The following RETSAT variants were observed in gnomAD, a reference collection of about 807,000 sequenced individuals.
RETSAT encodes the protein all-trans-retinol 13,14-reductase.
Under a neutral mutation model 61.6 loss-of-function variants are expected in RETSAT, and 35 were observed. The ratio of observed to expected loss-of-function variants is 0.57; its 90% CI spans 0.43 to 0.75. RETSAT has a LOEUF of 0.75. Among genes scored for constraint, RETSAT ranks in the 30% least tolerant of loss-of-function variants. RETSAT has a pLI of 0.00. For missense variants in RETSAT, 670 were observed against 759.5 expected (o/e 0.88, Z 1.38); for synonymous variants, 277 against 310.4 (o/e 0.89, Z 1.13).
chr2:85,352,674 A>G (rs1683320274), intron 1 of RETSAT, among the ~76,000 whole-genome samples: 1 of 152,054 alleles, frequency 6.6e-6, no homozygotes, highest in Non-Finnish European at 1.5e-5. Flanking sequence ...GAGCCAACAC[A>G]CCAGCCCACA....
Position 85,342,138 on chromosome 2 carries a change from C to T in RETSAT, c.*1104G>A. The T allele has an allele frequency of 3.7e-6, 1 of 273,314 alleles. No individual in the cohort carries two copies. Among genetic ancestry groups the T allele is most frequent in the Non-Finnish European group, 6.9e-6 (1 of 144,922 alleles). 16.9% of individuals were successfully genotyped at this position (273,314 alleles called of 1,614,324 possible). On this transcript the variant is annotated 3_prime_UTR_variant, in exon 11 of 11. Transcript: ENST00000295802. Reference sequence around the variant, plus strand: ...AATAAATTTATTAATGTTACATTAACACGAACTACAAAGAGACCTTTCGTA... The same window carrying T: ...AATAAATTTATTAATGTTACATTAATACGAACTACAAAGAGACCTTTCGTA...
chr2:85,354,303 T>A, intron 1 of RETSAT, 33 bp downstream of exon 1: 3 of 1,612,280 alleles, frequency 1.9e-6, no homozygotes, highest in Non-Finnish European at 2.5e-6. Context: ...AAGCCTCGAG[T>A]GCAGCCCCGG....
In RETSAT at chr2:85,350,031, A is replaced by G; in HGVS notation, c.799+9T>C. 6.2e-7 allele frequency: 1 copy of G among 1,612,272 alleles called. No individual in the cohort carries two copies. The highest frequency in any genetic ancestry group is 8.5e-7 in the Non-Finnish European group (1 of 1,179,208). ...CAGAAGCTGCCCAGAGCCCAGGCCC[A>G]GTACCCACCGTAAGTGGGGAAGATG... On this transcript the variant is annotated intron_variant, in intron 4 of 10. Coordinates refer to ENST00000295802, the MANE Select transcript of RETSAT (RefSeq NM_017750.4).
In RETSAT at chr2:85,351,766, C is replaced by T. The variant is rs551883060; in HGVS notation, c.269G>A (p.Gly90Asp). 5.6e-6 allele frequency: 9 copies of T among 1,614,042 alleles called. No individual in the cohort carries two copies. The highest frequency in any genetic ancestry group is 7.6e-6 in the Non-Finnish European group (9 of 1,180,046). ...TTGTTCCAGCACCAGGACTCGCTTGCCAGCTTTAGCTAGAATTGCAGCTGC... is the reference window on the plus strand; with the variant it reads ...TTGTTCCAGCACCAGGACTCGCTTGTCAGCTTTAGCTAGAATTGCAGCTGC... The part of the protein sequence containing the change: ...LAAAAILAKA[G>D]KRVLVLEQHT... The change falls in exon 2 of 11, where the codon GGC becomes GAC. Residue 90 changes from glycine to aspartate, a missense_variant. Physicochemically the swap from Gly to Asp is moderately conservative, Grantham distance 94 (BLOSUM62 -1). Transcript: ENST00000295802.
chr2:85,348,736 T>C (rs1262210569), intron 5 of RETSAT, among the ~76,000 whole-genome samples: 1 of 151,752 alleles, frequency 6.6e-6, no homozygotes, highest in Non-Finnish European at 1.5e-5. Flanking sequence ...ATGCAATCCT[T>C]TATTTTTCTT....
Position 85,343,754 on chromosome 2 carries a change from A to G in RETSAT, c.1578T>C (p.Tyr526=), listed in dbSNP as rs1376551982. The part of the protein sequence containing the change: ...TAGSPLTNQF[Y]LAAPRGACYG... ...AGCAGGCACCTCGGGGAGCAGCCAGATAGAACTGGTTGGTGAGTGGGGATC... is the reference window on the plus strand; with the variant it reads ...AGCAGGCACCTCGGGGAGCAGCCAGGTAGAACTGGTTGGTGAGTGGGGATC... The change falls in exon 10 of 11, where the codon TAT becomes TAC. Residue 526 remains tyrosine, a synonymous_variant. Coordinates refer to ENST00000295802, the MANE Select transcript of RETSAT (RefSeq NM_017750.4). 1 of 1,609,758 alleles carries G rather than the reference A, an allele frequency of 6.2e-7. No homozygotes were observed. Among genetic ancestry groups the G allele is most frequent in the Non-Finnish European group, 8.5e-7 (1 of 1,179,852 alleles).
intron 5 of RETSAT, among the ~76,000 whole-genome samples, chr2:85,347,568 A>G (rs932704725): frequency 6.6e-6 from 1 of 151,772 alleles, no homozygotes; most frequent in African/African-American, 2.4e-5. Flanking sequence ...GGGTTTCACT[A>G]TGTTGGCCAG....
intron 1 of RETSAT, among the ~76,000 whole-genome samples, chr2:85,352,464 A>G (rs1313149113): frequency 6.6e-6 from 1 of 151,674 alleles, no homozygotes; most frequent in Non-Finnish European, 1.5e-5. Flanking sequence ...GTTAGCCAGG[A>G]TGGTCTCGAT....
In RETSAT at chr2:85,354,402, C is replaced by T. The variant is rs1424706402; in HGVS notation, c.106G>A (p.Asp36Asn). 3 of 1,614,232 alleles carry T rather than the reference C, an allele frequency of 1.9e-6. No homozygotes were observed. The highest frequency in any genetic ancestry group is 4.5e-5 in the East Asian group (2 of 44,888). Reference protein sequence around the residue: ...SGSSPNPFSEDVKRPPAPLVT... With the variant: ...SGSSPNPFSENVKRPPAPLVT... ...AGGGGCGCTGGGGGCCGTTTGACAT[C>T]TTCGGAGAAAGGATTCGGGGAGCTG... Residue 36 changes from aspartate to asparagine, a missense_variant, in exon 1 of 11, where the codon GAT (aspartate) becomes AAT (asparagine). Physicochemically the swap from Asp to Asn is conservative, Grantham distance 23. Coordinates refer to ENST00000295802, the MANE Select transcript of RETSAT (RefSeq NM_017750.4).
chr2:85,343,946 G>A, intron 9 of RETSAT, 53 bp downstream of exon 9: 1 of 1,603,078 alleles, frequency 6.2e-7, no homozygotes, highest in Non-Finnish European at 8.5e-7. Context: ...TCAAGGAAAG[G>A]GCAGAAACAG....
intron 7 of RETSAT, 51 bp downstream of exon 7, chr2:85,344,543 G>A (rs1306354107): frequency 1.2e-6 from 2 of 1,601,974 alleles, no homozygotes; most frequent in Non-Finnish European, 1.7e-6. Flanking sequence ...CATTCTCTGA[G>A]TCAAGCAGGG....
intron 4 of RETSAT, 44 bp downstream of exon 4, chr2:85,349,996 G>T: frequency 6.4e-7 from 1 of 1,563,732 alleles, no homozygotes; most frequent in Non-Finnish European, 8.8e-7. Context: ...GAGGGCAGCC[G>T]TTCCTCCTCC....
At position 85,343,697 on chromosome 2, in the gene RETSAT, G is replaced by C. The variant is rs368386413; in HGVS notation, c.1635C>G (p.His545Gln). 1.9e-6 allele frequency: 3 copies of C among 1,614,154 alleles called. No homozygotes were observed. Among genetic ancestry groups the C allele is most frequent in the Non-Finnish European group, 2.5e-6 (3 of 1,179,982 alleles). Residue 545 changes from histidine to glutamine, a missense_variant, in exon 10 of 11, where the codon CAC becomes CAG. His to Gln is a conservative substitution (Grantham distance 24). Transcript: ENST00000295802. ...YGADHDLGRL[H>Q]PCVMASLRAQ... ...CCCTCAAGGAGGCCATCACACAAGG[G>C]TGCAGGCGGCCCAGGTCATGGTCAG... is the stretch of plus-strand genomic sequence containing the variant.
intron 10 of RETSAT, 116 bp from the exon 11 acceptor site, chr2:85,343,497 A>G: frequency 1.3e-6 from 2 of 1,521,580 alleles, no homozygotes; most frequent in Non-Finnish European, 1.8e-6. Context: ...CCAATCAGAC[A>G]GGGGCCACAG....
At chr2:85,349,333 GC>G in intron 5 of RETSAT, 50 bp downstream of exon 5, 1 of 1,580,192 alleles carries the variant, frequency 6.3e-7, no homozygotes, top group South Asian at 1.1e-5. Flanking sequence ...CCCAGGTCTC[GC>G]CCACACCAAC....
intron 5 of RETSAT, among the ~76,000 whole-genome samples, chr2:85,346,906 T>TCACTAAACTCC (rs1195690957): frequency 2.0e-5 from 3 of 152,184 alleles, no homozygotes; most frequent in African/African-American, 7.2e-5. Flanking sequence ...CTGGTCACTC[T>TCACTAAACTCC]CACTAAACTC....
intron 4 of RETSAT, 91 bp from the exon 5 acceptor site, chr2:85,349,672 C>T (rs955235557): frequency 3.6e-6 from 4 of 1,097,228 alleles, no homozygotes; most frequent in Non-Finnish European, 5.5e-6. Context: ...TAACACACAG[C>T]CCAGTCTATC....
intron 5 of RETSAT, among the ~76,000 whole-genome samples, chr2:85,347,998 C>T (rs550381383): frequency 1.3e-5 from 2 of 152,312 alleles, no homozygotes; most frequent in Non-Finnish European, 2.9e-5. Flanking sequence ...TTTTCCCAGG[C>T]CTCTTTTTGT....
rs116909993 is a variant in RETSAT at position 85,345,714 on chromosome 2, C to T, written c.1117+261G>A. On this transcript the variant is annotated intron_variant, in intron 6 of 10. Coordinates refer to ENST00000295802, the MANE Select transcript of RETSAT (RefSeq NM_017750.4). Reference sequence around the variant, plus strand: ...GGTGGGAGGAGCGGAGCTTTCAAATCAGACCAGCTACTCTGCTCAGCCCTG... The same window carrying T: ...GGTGGGAGGAGCGGAGCTTTCAAATTAGACCAGCTACTCTGCTCAGCCCTG... 3,311 of 578,810 alleles carry T rather than the reference C, an allele frequency of 5.7e-3. 81 individuals are homozygous for T. The East Asian group carries it at 0.063, about 11-fold the overall frequency. 35.9% of individuals were successfully genotyped at this position (578,810 alleles called of 1,614,324 possible). A position where few individuals can be genotyped will look rare whatever the true frequency, so the allele number is the denominator to read the frequency against.
Sources: allele counts gnomAD v4.1 joint callset (sites outside exome capture counted in the v4.1 genomes callset), GRCh38; gene constraint gnomAD v4.1.1; transcripts MANE v1.5; gene names NCBI Gene and HGNC (gene_info 2026-07-23, HGNC 2026-07-21).